Variants in ANKS1B observed in about 807,000 individuals in gnomAD.
The protein encoded by ANKS1B is ankyrin repeat and sterile alpha motif domain containing 1B.
In ANKS1B, 36 loss-of-function variants were observed where a neutral mutation model predicts 148.3. That is an observed-to-expected ratio of 0.24 (90% CI 0.19 to 0.32). The LOEUF (loss-of-function observed/expected upper bound fraction) is 0.32. Among genes scored for constraint, ANKS1B ranks in the 10% least tolerant of loss-of-function variants. The pLI, the probability that ANKS1B is intolerant of heterozygous loss-of-function variation, is 1.00. For synonymous variants in ANKS1B, 542 were observed against 560.8 expected, an observed-to-expected ratio of 0.97 and a Z score of 0.47; for missense variants, 1,157 against 1,542.6, an observed-to-expected ratio of 0.75 and a Z score of 4.19.
chr12:99,369,792 G>GATAGACA (rs773691960), intron 12 of ANKS1B, among the ~76,000 whole-genome samples: 6 of 68,502 alleles, frequency 8.8e-5, no homozygotes, highest in African/African-American at 1.3e-4. Context: ...ATAGATAGAT[G>GATAGACA]GACGGACGGA....
chr12:99,918,609 C>G (rs1195091338), intron 1 of ANKS1B, among the ~76,000 whole-genome samples: 1 of 152,166 alleles, frequency 6.6e-6, no homozygotes, highest in Non-Finnish European at 1.5e-5. Flanking sequence ...CTTTCAACCT[C>G]TACTCTAAAT....
At chr12:99,182,405 G>A (rs2079222289) in intron 14 of ANKS1B, among the ~76,000 whole-genome samples, 2 of 152,140 alleles carry the variant, frequency 1.3e-5, no homozygotes, top group South Asian at 4.1e-4. Flanking sequence ...AAATAAGTGA[G>A]AACATGCAAA....
chr12:99,462,182 C>T (rs2095988839), intron 10 of ANKS1B, among the ~76,000 whole-genome samples: 1 of 152,184 alleles, frequency 6.6e-6, no homozygotes, highest in Admixed American at 6.5e-5. Context: ...ATTCTCCTAG[C>T]TGTATGATGT....
chr12:99,725,557 G>A (rs1365827715), intron 8 of ANKS1B, among the ~76,000 whole-genome samples: 1 of 151,922 alleles, frequency 6.6e-6, no homozygotes, highest in Non-Finnish European at 1.5e-5. Flanking sequence ...TAATAAAAAG[G>A]GACTTCTAAC....
chr12:98,756,727 CTTT>C (rs1197713336), intron 25 of ANKS1B, among the ~76,000 whole-genome samples: 2 of 127,412 alleles, frequency 1.6e-5, no homozygotes, highest in African/African-American at 3.0e-5. Context: ...CTCCATCTAT[CTTT>C]TTTTTTTTTT....
At chr12:99,790,673 G>A (rs1261532612) in intron 4 of ANKS1B, among the ~76,000 whole-genome samples, 1 of 151,988 alleles carries the variant, frequency 6.6e-6, no homozygotes. Context: ...GTTTGTTTAT[G>A]CAATCAGTGT....
chr12:99,891,795 TA>T (rs2093125063), intron 1 of ANKS1B, among the ~76,000 whole-genome samples: 1 of 152,168 alleles, frequency 6.6e-6, no homozygotes, highest in African/African-American at 2.4e-5. Context: ...GTTATGCTTT[TA>T]GAAAAAAATC....
At chr12:99,008,720 A>T (rs1260975939) in intron 17 of ANKS1B, among the ~76,000 whole-genome samples, 1 of 152,202 alleles carries the variant, frequency 6.6e-6, no homozygotes, top group Admixed American at 6.5e-5. Flanking sequence ...AATCCCAAAA[A>T]TATAAAAGAA....
intron 12 of ANKS1B, among the ~76,000 whole-genome samples, chr12:99,367,667 A>G (rs2092845759): frequency 6.6e-6 from 1 of 152,166 alleles, no homozygotes; most frequent in Non-Finnish European, 1.5e-5. Context: ...CTACCCAATG[A>G]AATACCATAA....
Position 99,632,149 on chromosome 12 carries a change from G to C in ANKS1B, c.1272+22918C>G, listed in dbSNP as rs563144895. 3.7e-3 allele frequency among the ~76,000 whole-genome samples: 565 copies of C among 152,284 alleles called. 3 individuals are homozygous for C. Among genetic ancestry groups the C allele is most frequent in the African/African-American group, 0.013 (536 of 41,554 alleles). ...GTGCTCCATGGTTGCCCCAGCCATG[G>C]CTTAAGTGGTCCCAGGTGCAGATCA... On this transcript the variant is annotated intron_variant, in intron 9 of 26. Coordinates refer to ENST00000683438, the MANE Select transcript of ANKS1B (RefSeq NM_001352186.2).
At chr12:99,374,815 T>A (rs1293562540) in intron 12 of ANKS1B, among the ~76,000 whole-genome samples, 2 of 152,244 alleles carry the variant, frequency 1.3e-5, no homozygotes, top group Non-Finnish European at 2.9e-5. Context: ...TGGGTTTCAA[T>A]GTGAATTTGT....
chr12:98,877,609 T>C (rs1177490641), intron 17 of ANKS1B, among the ~76,000 whole-genome samples: 1 of 152,226 alleles, frequency 6.6e-6, no homozygotes, highest in African/African-American at 2.4e-5. Context: ...AGGTTTACTG[T>C]CTCATTGTGT....
intron 14 of ANKS1B, among the ~76,000 whole-genome samples, chr12:99,201,119 AAG>A (rs1201303974): frequency 6.6e-6 from 1 of 152,128 alleles, no homozygotes; most frequent in African/African-American, 2.4e-5. Context: ...AGAGTAAGGG[AAG>A]AGAGAGTGGC....
At chr12:99,874,112 T>C (rs2091844354) in intron 1 of ANKS1B, among the ~76,000 whole-genome samples, 2 of 151,638 alleles carry the variant, frequency 1.3e-5, no homozygotes, top group Non-Finnish European at 2.9e-5. Flanking sequence ...TAGAAAACAC[T>C]ACCTACCTTT....
chr12:99,284,782 C>G (rs1257706248), intron 12 of ANKS1B, among the ~76,000 whole-genome samples: 2 of 152,166 alleles, frequency 1.3e-5, no homozygotes, highest in African/African-American at 4.8e-5. Flanking sequence ...CCAAGCTCCT[C>G]CCTGTGGTCT....
intron 17 of ANKS1B, among the ~76,000 whole-genome samples, chr12:98,952,578 A>T (rs1402046930): frequency 6.6e-6 from 1 of 151,966 alleles, no homozygotes; most frequent in Non-Finnish European, 1.5e-5. Context: ...AGTATCCAGG[A>T]CCCTCGGCGA....
intron 15 of ANKS1B, among the ~76,000 whole-genome samples, chr12:99,112,690 C>T (rs1464175630): frequency 1.3e-5 from 2 of 152,086 alleles, no homozygotes; most frequent in Non-Finnish European, 2.9e-5. Context: ...CATCTGACAC[C>T]CACAAACCCC....
At position 99,406,497 on chromosome 12, in the gene ANKS1B, A is replaced by C. The variant is rs2094535238; in HGVS notation, c.1576-6686T>G. Among the ~76,000 whole-genome samples, 2 of 145,428 alleles carry C rather than the reference A, an allele frequency of 1.4e-5. 1 individual carries two copies. The highest frequency in any genetic ancestry group is 3.0e-5 in the Non-Finnish European group (2 of 65,862). On this transcript the variant is annotated intron_variant, in intron 11 of 26. Coordinates refer to ENST00000683438, the MANE Select transcript of ANKS1B (RefSeq NM_001352186.2). ...AAGCAAATGGTAATGAAAAGACAAC[A>C]TAGCAAAACCTATGGGCTACAGCAA...
At chr12:98,957,317 ATT>A (rs2099864028) in intron 17 of ANKS1B, among the ~76,000 whole-genome samples, 1 of 43,512 alleles carries the variant, frequency 2.3e-5, no homozygotes, top group African/African-American at 2.1e-4. Context: ...TTAAATATTT[ATT>A]TATTTATTTA....
Sources: gnomAD v4.1 joint callset for allele counts (sites outside exome capture counted in the v4.1 genomes callset) on GRCh38, gnomAD v4.1.1 for gene constraint, MANE v1.5 for transcripts, NCBI Gene and HGNC (gene_info 2026-07-23, HGNC 2026-07-21) for gene names.